The following NXPE4 variants were observed in gnomAD, a reference collection of about 807,000 sequenced individuals.
The protein encoded by NXPE4 is NXPE family member 4.
Under a neutral mutation model 33.3 loss-of-function variants are expected in NXPE4, and 42 were observed. The observed-to-expected ratio is 1.26, with a 90% CI of 0.98 to 1.63. NXPE4 has a LOEUF of 1.63. Among genes scored for constraint, NXPE4 ranks in the 40% most tolerant of loss-of-function variants. The pLI, the probability that NXPE4 is intolerant of heterozygous loss-of-function variation, is 0.00. For synonymous variants in NXPE4, 253 were observed against 234.9 expected (o/e 1.08, Z -0.71); for missense variants, 709 against 647.6 (o/e 1.09, Z -1.03).
the NXPE4 span, among the ~76,000 whole-genome samples, chr11:114,644,422 A>G: frequency 2.0e-5 from 3 of 152,324 alleles, no homozygotes; most frequent in Admixed American, 6.5e-5. Context: ...ATTTTGAGAT[A>G]TAGTCCATCA....
chr11:114,651,273 C>A, the NXPE4 span, among the ~76,000 whole-genome samples: 7 of 151,798 alleles, frequency 4.6e-5, no homozygotes, highest in Non-Finnish European at 1.0e-4. Flanking sequence ...TTCTTCCTTG[C>A]GGTGGGTTCG....
chr11:114,628,749 G>C, the NXPE4 span, among the ~76,000 whole-genome samples: 1 of 151,206 alleles, frequency 6.6e-6, no homozygotes, highest in Non-Finnish European at 1.5e-5. Context: ...TTTTTGAAAG[G>C]ATCAACAAAA....
chr11:114,630,509 T>C, the NXPE4 span, among the ~76,000 whole-genome samples: 7 of 151,594 alleles, frequency 4.6e-5, no homozygotes, highest in African/African-American at 1.5e-4. Context: ...TTACACCTTA[T>C]ACAAAAATCA....
the NXPE4 span, among the ~76,000 whole-genome samples, chr11:114,615,451 A>T: frequency 6.6e-6 from 1 of 152,018 alleles, no homozygotes; most frequent in African/African-American, 2.4e-5. Flanking sequence ...AACCACTGTT[A>T]CCCAGTGGAT....
the NXPE4 span, among the ~76,000 whole-genome samples, chr11:114,643,239 G>GTT: frequency 2.6e-5 from 4 of 152,010 alleles, no homozygotes; most frequent in African/African-American, 9.7e-5. Context: ...TTCTTTTGCT[G>GTT]TGCAGAAGCT....
chr11:114,647,213 G>A, the NXPE4 span, among the ~76,000 whole-genome samples: 14 of 152,164 alleles, frequency 9.2e-5, no homozygotes, highest in East Asian at 3.8e-4. Context: ...TTCTACATTC[G>A]TAGATTTGGG....
intron 2 of NXPE4, among the ~76,000 whole-genome samples, chr11:114,593,122 G>T (rs571430702): frequency 6.6e-6 from 1 of 152,136 alleles, no homozygotes; most frequent in African/African-American, 2.4e-5. Context: ...GTAGCCAGAG[G>T]ATTTTTGGAT....
the NXPE4 span, among the ~76,000 whole-genome samples, chr11:114,613,329 C>T: frequency 4.0e-5 from 6 of 151,630 alleles, no homozygotes; most frequent in South Asian, 2.1e-4. Context: ...CACTGTTACC[C>T]GATGGATAAT....
rs1156405150 is a variant in NXPE4, at chr11:114,571,417, C to T, written c.1156G>A (p.Asp386Asn). 6.2e-7 allele frequency: 1 copy of T among 1,612,446 alleles called. No individual in the cohort carries two copies. Among genetic ancestry groups the T allele is most frequent in the African/African-American group, 1.3e-5 (1 of 74,886 alleles). ...TGGATGTTGATGTTCCTATCCAAAT[C>T]CACAGCAAGCTGGTGTTGCAATTTT... ...SGKLQHQLAV[D>N]LDRNINIQWQ... The change falls in exon 6 of 6, where the codon GAT becomes AAT. Residue 386 changes from aspartate to asparagine, a missense_variant. Asp to Asn is a conservative substitution (Grantham distance 23, BLOSUM62 1). Transcript: ENST00000375478.
At chr11:114,608,731 G>A in the NXPE4 span, among the ~76,000 whole-genome samples, 2 of 151,822 alleles carry the variant, frequency 1.3e-5, no homozygotes, top group Non-Finnish European at 2.9e-5. Flanking sequence ...TGCCTCGTGG[G>A]TAACCACTGT....
chr11:114,580,380 A>G, intron 4 of NXPE4, 42 bp from the exon 5 acceptor site: 1 of 1,556,062 alleles, frequency 6.4e-7, no homozygotes, highest in South Asian at 1.1e-5. Context: ...AAAACATCAA[A>G]TTACCCGTCA....
chr11:114,600,615 T>A (rs1359288202), upstream of NXPE4, among the ~76,000 whole-genome samples: 2 of 152,092 alleles, frequency 1.3e-5, no homozygotes, highest in South Asian at 2.1e-4. Flanking sequence ...ACTAAGCAAC[T>A]GTCCCCAGCT....
chr11:114,644,784 G>A, the NXPE4 span, among the ~76,000 whole-genome samples: 1 of 151,728 alleles, frequency 6.6e-6, no homozygotes, highest in South Asian at 2.1e-4. Context: ...TAAATCTGCA[G>A]AGGATGAAAA....
intron 5 of NXPE4, among the ~76,000 whole-genome samples, chr11:114,572,439 G>A (rs1369614009): frequency 1.3e-5 from 2 of 152,170 alleles, no homozygotes; most frequent in East Asian, 1.9e-4. Flanking sequence ...ACCAGAGAAA[G>A]GTGAAGTCCA....
the NXPE4 span, among the ~76,000 whole-genome samples, chr11:114,604,567 G>C: frequency 6.6e-6 from 1 of 151,966 alleles, no homozygotes; most frequent in East Asian, 1.9e-4. Context: ...CTGTTACCTG[G>C]TGGATGATAA....
the NXPE4 span, among the ~76,000 whole-genome samples, chr11:114,654,045 G>A: frequency 2.3e-3 from 351 of 152,296 alleles, 1 homozygote; most frequent in African/African-American, 8.0e-3. Flanking sequence ...ATCAAGTTAT[G>A]TTTGGTAATG....
intron 5 of NXPE4, among the ~76,000 whole-genome samples, chr11:114,575,722 C>T (rs1948981516): frequency 6.6e-6 from 1 of 152,138 alleles, no homozygotes; most frequent in African/African-American, 2.4e-5. Context: ...AATGGAAACA[C>T]ATCACATGCT....
chr11:114,647,225 A>T, the NXPE4 span, among the ~76,000 whole-genome samples: 3 of 152,212 alleles, frequency 2.0e-5, no homozygotes, highest in Non-Finnish European at 4.4e-5. Context: ...AGATTTGGGT[A>T]AGTAATGTCT....
chr11:114,615,785 T>G, the NXPE4 span, among the ~76,000 whole-genome samples: 1 of 151,652 alleles, frequency 6.6e-6, no homozygotes, highest in Non-Finnish European at 1.5e-5. Context: ...GTAACCACTG[T>G]TACCCAATGG....
Sources: gnomAD v4.1 joint callset for allele counts (sites outside exome capture counted in the v4.1 genomes callset) on GRCh38, gnomAD v4.1.1 for gene constraint, MANE v1.5 for transcripts, NCBI Gene and HGNC (gene_info 2026-07-23, HGNC 2026-07-21) for gene names.